Variants in DRC8 observed in about 807,000 individuals in gnomAD.
DRC8 encodes dynein regulatory complex protein 8.
At chr1:244,980,542 T>A in the DRC8 span, among the ~76,000 whole-genome samples, 1 of 152,068 alleles carries the variant, frequency 6.6e-6, no homozygotes, top group African/African-American at 2.4e-5. Flanking sequence ...GTAATGGAAG[T>A]CAGGAATGAA....
the DRC8 span, among the ~76,000 whole-genome samples, chr1:244,982,641 A>G: frequency 3.3e-5 from 5 of 152,228 alleles, no homozygotes; most frequent in Admixed American, 6.5e-5. Context: ...GCTTGAAGGT[A>G]TGTCACTAGA....
At chr1:245,084,219 T>C in the DRC8 span, among the ~76,000 whole-genome samples, 1 of 151,726 alleles carries the variant, frequency 6.6e-6, no homozygotes, top group South Asian at 2.1e-4. Context: ...GTAGCTGGGA[T>C]TACAGGCACA....
the DRC8 span, among the ~76,000 whole-genome samples, chr1:245,003,752 G>C: frequency 6.6e-6 from 1 of 152,020 alleles, no homozygotes; most frequent in East Asian, 1.9e-4. Context: ...ACCATGCCCA[G>C]CTAAATTTAA....
the DRC8 span, chr1:245,002,181 G>C: frequency 3.7e-6 from 6 of 1,610,522 alleles, no homozygotes; most frequent in Non-Finnish European, 5.1e-6. Context: ...ACATCTAATG[G>C]AAGGTGGAAG....
the DRC8 span, among the ~76,000 whole-genome samples, chr1:244,972,715 G>C: frequency 6.6e-6 from 1 of 151,740 alleles, no homozygotes; most frequent in Non-Finnish European, 1.5e-5. Flanking sequence ...TACTCAGGAG[G>C]CTGAGACAGG....
At chr1:245,018,471 A>G in the DRC8 span, among the ~76,000 whole-genome samples, 3,745 of 152,244 alleles carry the variant, frequency 0.025, 171 homozygotes, top group African/African-American at 0.086. Context: ...TGGGAATGAC[A>G]TTGTGGAACA....
chr1:245,050,277 G>A, the DRC8 span, among the ~76,000 whole-genome samples: 1 of 150,986 alleles, frequency 6.6e-6, no homozygotes, highest in Non-Finnish European at 1.5e-5. Flanking sequence ...TTTCGCTCTT[G>A]TTAGTAGAGA....
At chr1:245,006,604 T>C in the DRC8 span, among the ~76,000 whole-genome samples, 1 of 151,664 alleles carries the variant, frequency 6.6e-6, no homozygotes, top group Admixed American at 6.6e-5. Context: ...GCAATGACAA[T>C]GGAAATGGAA....
chr1:245,017,941 A>G, the DRC8 span, among the ~76,000 whole-genome samples: 5 of 152,120 alleles, frequency 3.3e-5, no homozygotes, highest in East Asian at 1.9e-4. Context: ...AAGAAAAGCA[A>G]TGAAGCCAGG....
At chr1:244,997,362 T>C in the DRC8 span, among the ~76,000 whole-genome samples, 3 of 152,126 alleles carry the variant, frequency 2.0e-5, no homozygotes, top group Non-Finnish European at 2.9e-5. Context: ...CTGGCTTTCC[T>C]GCTAGAATGC....
the DRC8 span, among the ~76,000 whole-genome samples, chr1:244,971,866 G>A: frequency 6.7e-6 from 1 of 148,950 alleles, no homozygotes; most frequent in Non-Finnish European, 1.5e-5. Flanking sequence ...TATTTTGTAG[G>A]TATTAGCTTT....
chr1:245,076,205 A>G, the DRC8 span, among the ~76,000 whole-genome samples: 2 of 152,224 alleles, frequency 1.3e-5, no homozygotes, highest in African/African-American at 4.8e-5. Context: ...GTGCCATTGC[A>G]TGTCATAGAA....
chr1:245,090,495 C>T, the DRC8 span, among the ~76,000 whole-genome samples: 1 of 152,212 alleles, frequency 6.6e-6, no homozygotes, highest in African/African-American at 2.4e-5. Context: ...GCTTGACGTA[C>T]ATGAACTCAT....
At chr1:245,102,894 AC>A in the DRC8 span, among the ~76,000 whole-genome samples, 391 of 152,268 alleles carry the variant, frequency 2.6e-3, 23 homozygotes, top group African/African-American at 8.0e-3. Flanking sequence ...TGTGAGGCTG[AC>A]GAGGATGAGA....
the DRC8 span, among the ~76,000 whole-genome samples, chr1:244,976,754 T>C: frequency 2.6e-5 from 4 of 152,156 alleles, no homozygotes; most frequent in Non-Finnish European, 5.9e-5. Flanking sequence ...AGTTAAAAGT[T>C]GAGTTACCAT....
the DRC8 span, among the ~76,000 whole-genome samples, chr1:245,079,443 A>G: frequency 6.6e-6 from 1 of 152,214 alleles, no homozygotes; most frequent in African/African-American, 2.4e-5. Flanking sequence ...ACAAACATCT[A>G]TTAGGCAAGA....
At chr1:245,096,187 A>C in the DRC8 span, among the ~76,000 whole-genome samples, 1 of 152,258 alleles carries the variant, frequency 6.6e-6, no homozygotes, top group Non-Finnish European at 1.5e-5. Context: ...TGAATTCCAG[A>C]GACACAGTTT....
chr1:244,977,903 A>T, the DRC8 span, among the ~76,000 whole-genome samples: 1 of 152,236 alleles, frequency 6.6e-6, no homozygotes, highest in African/African-American at 2.4e-5. Flanking sequence ...GCAGCCAAAT[A>T]TATAAAAATT....
chr1:245,092,081 G>T, the DRC8 span, among the ~76,000 whole-genome samples: 9 of 152,336 alleles, frequency 5.9e-5, no homozygotes, highest in East Asian at 1.7e-3. Context: ...TGGCGATCTT[G>T]TGCTCTGATC....
Sources: allele counts gnomAD v4.1 joint callset (sites outside exome capture counted in the v4.1 genomes callset), GRCh38; gene constraint gnomAD v4.1.1; transcripts MANE v1.5; gene names NCBI Gene and HGNC (gene_info 2026-07-23, HGNC 2026-07-21).